CTNND2: variants seen among roughly 807,000 people sequenced by gnomAD.
CTNND2 encodes the protein catenin delta 2, also known as catenin delta-2.
In CTNND2, 22 loss-of-function variants were observed where a neutral mutation model predicts 144.4. That is an observed-to-expected ratio of 0.15 (90% CI 0.11 to 0.22). CTNND2 has a LOEUF of 0.22. Ranked by LOEUF, CTNND2 falls within the 10% of genes least tolerant of loss-of-function variation. CTNND2 has a pLI of 1.00. For missense variants in CTNND2, 1,353 were observed against 1,618.8 expected, an observed-to-expected ratio of 0.84 and a Z score of 2.82; for synonymous variants, 751 against 695.6, an observed-to-expected ratio of 1.08 and a Z score of -1.25.
intron 1 of CTNND2, among the ~76,000 whole-genome samples, chr5:11,875,820 CAA>C (rs1216421942): frequency 6.6e-6 from 1 of 152,152 alleles, no homozygotes; most frequent in Non-Finnish European, 1.5e-5. Context: ...TGAATAGACT[CAA>C]GACTATACTA....
intron 12 of CTNND2, among the ~76,000 whole-genome samples, chr5:11,152,509 A>G (rs1561391047): frequency 6.6e-6 from 1 of 152,216 alleles, no homozygotes. Flanking sequence ...CGTTTCCATA[A>G]GAATGAAATG....
chr5:11,142,064 A>G (rs2149736320), intron 12 of CTNND2, among the ~76,000 whole-genome samples: 1 of 152,242 alleles, frequency 6.6e-6, no homozygotes, highest in South Asian at 2.1e-4. Flanking sequence ...CCCTCACCAT[A>G]TGCCAGCCCC....
intron 6 of CTNND2, among the ~76,000 whole-genome samples, chr5:11,392,734 G>A (rs1414866702): frequency 6.6e-6 from 1 of 152,166 alleles, no homozygotes; most frequent in Non-Finnish European, 1.5e-5. Flanking sequence ...GCAAATACGG[G>A]CCAAGGAAAA....
intron 3 of CTNND2, among the ~76,000 whole-genome samples, chr5:11,488,491 A>G (rs1769065929): frequency 6.6e-6 from 1 of 152,208 alleles, no homozygotes; most frequent in Non-Finnish European, 1.5e-5. Flanking sequence ...TGAAATTGCT[A>G]TTGGCTTCAT....
At chr5:11,444,573 A>G (rs561614501) in intron 3 of CTNND2, among the ~76,000 whole-genome samples, 2 of 152,264 alleles carry the variant, frequency 1.3e-5, no homozygotes, top group African/African-American at 4.8e-5. Context: ...GTGGTGGTTC[A>G]CATCTGTAAT....
At chr5:11,314,670 A>G (rs975176519) in intron 9 of CTNND2, among the ~76,000 whole-genome samples, 1 of 152,196 alleles carries the variant, frequency 6.6e-6, no homozygotes, top group Non-Finnish European at 1.5e-5. Context: ...CCTGGCCCAG[A>G]CTGGCTTTTT....
chr5:11,300,768 T>A (rs186917227), intron 9 of CTNND2, among the ~76,000 whole-genome samples: 1 of 152,236 alleles, frequency 6.6e-6, no homozygotes, highest in Non-Finnish European at 1.5e-5. Context: ...ACCCTCTCCA[T>A]GACGAGCTAA....
intron 16 of CTNND2, among the ~76,000 whole-genome samples, chr5:11,061,413 G>A (rs1327636438): frequency 1.3e-5 from 2 of 152,140 alleles, no homozygotes; most frequent in African/African-American, 4.8e-5. Flanking sequence ...AGGCTGAAAG[G>A]TATCCCGCAC....
intron 3 of CTNND2, among the ~76,000 whole-genome samples, chr5:11,513,391 A>G (rs996899681): frequency 6.6e-6 from 1 of 152,074 alleles, no homozygotes; most frequent in African/African-American, 2.4e-5. Context: ...GTTTCCAAAT[A>G]CCCTCAAGAT....
At position 11,364,476 on chromosome 5, in the gene CTNND2, G is replaced by A. The variant is rs140409200; in HGVS notation, c.1372+220C>T. 301 of 407,358 alleles carry A rather than the reference G, an allele frequency of 7.4e-4. 2 individuals carry two copies. The East Asian group carries it at 0.01, about 14-fold the overall frequency. 25.2% of individuals were successfully genotyped at this position (407,358 alleles called of 1,614,324 possible). On this transcript the variant is annotated intron_variant, in intron 8 of 21. Coordinates refer to ENST00000304623, the MANE Select transcript of CTNND2 (RefSeq NM_001332.4). The stretch of plus-strand genomic sequence containing the variant: ...TCTTTGACAAAATGAGCTTACAATC[G>A]CCATTTGCTTCCTTTCATTCAGATT...
intron 9 of CTNND2, among the ~76,000 whole-genome samples, chr5:11,251,517 A>G (rs1175181954): frequency 6.6e-6 from 1 of 152,230 alleles, no homozygotes; most frequent in Non-Finnish European, 1.5e-5. Flanking sequence ...ATGGGAGCTC[A>G]TGTTTCAACC....
rs61760271 is a variant in CTNND2 at position 11,452,716 on chromosome 5, T to C, written c.288-40647A>G. ...ATTCTAATCTTTACCCAGTAATTTA[T>C]AAAATATCGGCTGGTTTCAGAAAGA... is the stretch of plus-strand genomic sequence containing the variant. On this transcript the variant is annotated intron_variant, in intron 3 of 21. Transcript: ENST00000304623. Among the ~76,000 whole-genome samples the C allele has an allele frequency of 4.5e-3, 685 of 152,322 alleles. 4 individuals carry two copies. Among genetic ancestry groups the C allele is most frequent in the Middle Eastern group, 0.027 (8 of 294 alleles).
intron 3 of CTNND2, among the ~76,000 whole-genome samples, chr5:11,532,195 G>C (rs1250480506): frequency 6.6e-6 from 1 of 152,020 alleles, no homozygotes; most frequent in Non-Finnish European, 1.5e-5. Flanking sequence ...CTGTAGTCTT[G>C]GTTGTGACTA....
intron 12 of CTNND2, among the ~76,000 whole-genome samples, chr5:11,135,929 T>C (rs769550462): frequency 3.9e-5 from 6 of 152,238 alleles, no homozygotes; most frequent in Non-Finnish European, 5.9e-5. Context: ...TAAATTAGCA[T>C]TGGCTACTGC....
At chr5:11,066,552 C>G (rs1209492483) in intron 16 of CTNND2, among the ~76,000 whole-genome samples, 2 of 142,862 alleles carry the variant, frequency 1.4e-5, no homozygotes, top group East Asian at 4.3e-4. Flanking sequence ...TAATTGATGT[C>G]TCATGCCTCT....
intron 18 of CTNND2, among the ~76,000 whole-genome samples, chr5:11,001,686 T>C (rs1261030473): frequency 6.6e-6 from 1 of 152,198 alleles, no homozygotes; most frequent in African/African-American, 2.4e-5. Flanking sequence ...CAGAATCATC[T>C]TCTGCTGTTG....
At chr5:11,632,826 A>T (rs919638687) in intron 2 of CTNND2, among the ~76,000 whole-genome samples, 22 of 152,220 alleles carry the variant, frequency 1.4e-4, no homozygotes, top group Admixed American at 2.0e-4. Flanking sequence ...TCAAAGGAAA[A>T]TTCTGGAGTT....
At chr5:11,739,809 A>C (rs985365200) in intron 1 of CTNND2, among the ~76,000 whole-genome samples, 4 of 152,220 alleles carry the variant, frequency 2.6e-5, no homozygotes, top group African/African-American at 9.6e-5. Context: ...GTCTCAGCCC[A>C]AAATCTCCTT....
intron 3 of CTNND2, among the ~76,000 whole-genome samples, chr5:11,507,385 GAGATA>G (rs1381145238): frequency 6.6e-6 from 1 of 152,196 alleles, no homozygotes; most frequent in African/African-American, 2.4e-5. Context: ...ATACTTTGTA[GAGATA>G]AGGCTGGGAA....
Sources: allele counts gnomAD v4.1 joint callset (sites outside exome capture counted in the v4.1 genomes callset), GRCh38; gene constraint gnomAD v4.1.1; transcripts MANE v1.5; gene names NCBI Gene and HGNC (gene_info 2026-07-23, HGNC 2026-07-21).